The following RGS6 variants were observed in gnomAD, a reference collection of about 807,000 sequenced individuals.
RGS6 encodes the protein regulator of G protein signaling 6, also known as regulator of G-protein signaling 6.
Under a neutral mutation model 78.5 loss-of-function variants are expected in RGS6, and 30 were observed. That is an observed-to-expected ratio of 0.38 (90% CI 0.29 to 0.52). RGS6 has a LOEUF of 0.52. RGS6 is among the 20% of genes least tolerant of loss of function. RGS6 has a pLI of 0.85. For missense variants in RGS6, 495 were observed against 609.7 expected (o/e 0.81, Z 1.98); for synonymous variants, 206 against 206.0 (o/e 1.00, Z 0.00).
intron 3 of RGS6, among the ~76,000 whole-genome samples, chr14:72,374,015 TA>T (rs1302129610): frequency 6.6e-6 from 1 of 152,214 alleles, no homozygotes; most frequent in Non-Finnish European, 1.5e-5. Flanking sequence ...AATCATTTGA[TA>T]TTTTTAAAAA....
rs562408666 is a variant in RGS6, at chr14:72,354,859, T to C, written c.184+2665T>C. Among the ~76,000 whole-genome samples the C allele has an allele frequency of 2.0e-5, 3 of 152,156 alleles. No homozygotes were observed. The South Asian group carries it at 6.2e-4, about 32-fold the overall frequency. ...TTGTTAGTGTTCTCTAATTTTAAAA[T>C]TTATGTAAATGAAATTTTACTATAT... On this transcript the variant is annotated intron_variant, in intron 3 of 17. Transcript: ENST00000553525.
At chr14:72,598,309 G>A in the RGS6 span, among the ~76,000 whole-genome samples, 14 of 152,224 alleles carry the variant, frequency 9.2e-5, no homozygotes, top group African/African-American at 3.1e-4. Flanking sequence ...GAAAGGGGGA[G>A]TGGAATTGGG....
chr14:72,234,281 A>G (rs1305399775), intron 2 of RGS6, among the ~76,000 whole-genome samples: 1 of 152,032 alleles, frequency 6.6e-6, no homozygotes, highest in Non-Finnish European at 1.5e-5. Context: ...CTGGGTCCCA[A>G]CTGTGTTAGG....
intron 2 of RGS6, among the ~76,000 whole-genome samples, chr14:72,202,183 A>G (rs2041715902): frequency 6.6e-6 from 1 of 152,216 alleles, no homozygotes; most frequent in African/African-American, 2.4e-5. Context: ...TACACAAATT[A>G]GGGAATACAA....
At chr14:72,052,983 T>TTCTTTCTTTCTTTCTTTC (rs1447550101) in intron 2 of RGS6, among the ~76,000 whole-genome samples, 13 of 85,570 alleles carry the variant, frequency 1.5e-4, no homozygotes, top group African/African-American at 1.7e-4. Flanking sequence ...CTTTCTTTCT[T>TTCTTTCTTTCTTTCTTTC]TCTCTCTCTC....
Position 72,562,511 on chromosome 14 carries a change from A to G in RGS6, c.*44A>G. 1.2e-6 allele frequency: 2 copies of G among 1,607,834 alleles called. No homozygotes were observed. Among genetic ancestry groups the G allele is most frequent in the African/African-American group, 1.3e-5 (1 of 75,024 alleles). ...CAGGGCCTGGGCCCGCGGACCCCACAGGCAGGCGGCGGCGCTCCACATCTG... is the reference window on the plus strand; with the variant it reads ...CAGGGCCTGGGCCCGCGGACCCCACGGGCAGGCGGCGGCGCTCCACATCTG... On this transcript the variant is annotated 3_prime_UTR_variant, in exon 18 of 18. Transcript: ENST00000553525.
chr14:72,412,500 A>G lies in RGS6; in HGVS notation c.185-42028A>G, dbSNP rs1188283709. On this transcript the variant is annotated intron_variant, in intron 3 of 17. Coordinates refer to ENST00000553525, the MANE Select transcript of RGS6 (RefSeq NM_001204424.2). ...TGGTAGCAGTCTATCCATTTTGTTG[A>G]TCTTTTCAAAAAACCAGCTCCTGGA... Among the ~76,000 whole-genome samples the G allele has an allele frequency of 4.0e-5, 6 of 151,546 alleles. No homozygotes were observed. In the South Asian group the frequency reaches 1.0e-3, roughly 26 times the overall value.
the RGS6 span, among the ~76,000 whole-genome samples, chr14:71,876,259 A>G: frequency 6.6e-6 from 1 of 152,032 alleles, no homozygotes; most frequent in East Asian, 1.9e-4. Context: ...AAAGTCTCCC[A>G]TTATTATTGT....
chr14:71,952,722 A>G (rs1339046951), intron 1 of RGS6, among the ~76,000 whole-genome samples: 1 of 152,202 alleles, frequency 6.6e-6, no homozygotes, highest in East Asian at 1.9e-4. Context: ...TTGCTGCTAC[A>G]AATGGAGGCA....
At chr14:72,144,565 G>A (rs1015375285) in intron 2 of RGS6, among the ~76,000 whole-genome samples, 11 of 151,984 alleles carry the variant, frequency 7.2e-5, no homozygotes, top group East Asian at 1.9e-4. Context: ...CGTATTTATC[G>A]AAAATCTATT....
chr14:72,082,240 A>C (rs910231267), intron 2 of RGS6, among the ~76,000 whole-genome samples: 10 of 152,266 alleles, frequency 6.6e-5, no homozygotes, highest in African/African-American at 2.2e-4. Context: ...CCCTTTGGGT[A>C]GTATGGACAT....
the RGS6 span, among the ~76,000 whole-genome samples, chr14:71,868,435 C>A: frequency 6.6e-6 from 1 of 152,110 alleles, no homozygotes; most frequent in African/African-American, 2.4e-5. Context: ...AAAGCAGAAC[C>A]ATATCATATT....
intron 12 of RGS6, among the ~76,000 whole-genome samples, chr14:72,482,588 G>A (rs923952347): frequency 1.3e-5 from 2 of 152,182 alleles, no homozygotes; most frequent in South Asian, 4.1e-4. Context: ...TCTTGGCTGG[G>A]CTCTCTCACA....
At chr14:72,045,151 CTA>C (rs1166063723) in intron 2 of RGS6, among the ~76,000 whole-genome samples, 1 of 152,202 alleles carries the variant, frequency 6.6e-6, no homozygotes, top group African/African-American at 2.4e-5. Context: ...TCTTGTCTAT[CTA>C]TTTATCCTAT....
chr14:72,355,050 A>G (rs1023155753), intron 3 of RGS6, among the ~76,000 whole-genome samples: 6 of 152,146 alleles, frequency 3.9e-5, no homozygotes, highest in African/African-American at 1.2e-4. Flanking sequence ...TGGTTTGGGT[A>G]TCAAATTTAT....
the RGS6 span, among the ~76,000 whole-genome samples, chr14:71,882,460 A>G: frequency 6.6e-6 from 1 of 152,226 alleles, no homozygotes; most frequent in Non-Finnish European, 1.5e-5. Context: ...TCTGCAAAGC[A>G]CTTTTAAAAT....
chr14:71,940,250 C>G (rs1252853631), intron 1 of RGS6, among the ~76,000 whole-genome samples: 1 of 152,124 alleles, frequency 6.6e-6, no homozygotes, highest in East Asian at 1.9e-4. Flanking sequence ...GGTAAAAGAC[C>G]AGAGGTCTCC....
At chr14:72,249,911 T>TA (rs2055198853) in intron 2 of RGS6, among the ~76,000 whole-genome samples, 1 of 151,622 alleles carries the variant, frequency 6.6e-6, no homozygotes. Flanking sequence ...TATACAGCCA[T>TA]AAAAAAGGAT....
chr14:72,350,853 G>C (rs2078988618), intron 2 of RGS6, among the ~76,000 whole-genome samples: 1 of 151,982 alleles, frequency 6.6e-6, no homozygotes, highest in African/African-American at 2.4e-5. Flanking sequence ...GTAATTATGA[G>C]GACTAAACAG....
Sources: gnomAD v4.1 joint callset for allele counts (sites outside exome capture counted in the v4.1 genomes callset) on GRCh38, gnomAD v4.1.1 for gene constraint, MANE v1.5 for transcripts, NCBI Gene and HGNC (gene_info 2026-07-23, HGNC 2026-07-21) for gene names.